Variants in SLC25A44 observed in about 807,000 individuals in gnomAD.
SLC25A44 encodes the protein solute carrier family 25, member 44.
SLC25A44 carries 17 observed loss-of-function variants against 29.9 expected under a neutral mutation model. That is an observed-to-expected ratio of 0.57 (90% CI 0.39 to 0.85). The LOEUF is 0.85. Among genes scored for constraint, SLC25A44 ranks in the 40% least tolerant of loss-of-function variants. The probability of loss-of-function intolerance (pLI) is 0.00; values close to 1 mark genes in which losing one functional copy is unlikely to be tolerated. For missense variants in SLC25A44, 302 were observed against 398.4 expected (o/e 0.76, Z 2.06); for synonymous variants, 140 against 151.8 (o/e 0.92, Z 0.57).
chr1:156,205,868 G>T (rs1016832168), intron 2 of SLC25A44, among the ~76,000 whole-genome samples: 1 of 152,112 alleles, frequency 6.6e-6, no homozygotes, highest in Non-Finnish European at 1.5e-5. Flanking sequence ...ACCAGCTCAT[G>T]GTAGTCACTC....
chr1:156,199,579 G>A, intron 1 of SLC25A44: 1 of 491,784 alleles, frequency 2.0e-6, no homozygotes, highest in Non-Finnish European at 3.6e-6. Context: ...AATCATTGAA[G>A]TGAGGGACAA....
chr1:156,205,762 ATTTG>A (rs1025399804), intron 2 of SLC25A44, among the ~76,000 whole-genome samples: 7 of 152,176 alleles, frequency 4.6e-5, no homozygotes, highest in Admixed American at 3.3e-4. Flanking sequence ...TTTGCTTTTT[ATTTG>A]TTTATTATCT....
intron 2 of SLC25A44, 37 bp downstream of exon 2, chr1:156,200,509 G>A: frequency 1.9e-6 from 3 of 1,541,792 alleles, no homozygotes; most frequent in Non-Finnish European, 1.8e-6. Flanking sequence ...AGGAAGGTGG[G>A]ATTTCTAATG....
intron 1 of SLC25A44, chr1:156,197,347 G>C (rs1298691950): frequency 6.6e-6 from 1 of 152,184 alleles, no homozygotes; most frequent in Non-Finnish European, 1.5e-5. Context: ...TTTGCCTCTA[G>C]CTCATTTTCC....
chr1:156,207,836 A>G, intron 2 of SLC25A44, 50 bp from the exon 3 acceptor site: 2 of 1,607,400 alleles, frequency 1.2e-6, no homozygotes, highest in Middle Eastern at 1.7e-4. Context: ...CAGTGAGGGC[A>G]GACCGGTGGT....
intron 2 of SLC25A44, among the ~76,000 whole-genome samples, chr1:156,201,474 C>T (rs1032174532): frequency 4.6e-5 from 7 of 152,176 alleles, no homozygotes; most frequent in African/African-American, 1.7e-4. Context: ...CATTCTGTCC[C>T]ACCCCATTGG....
chr1:156,211,000 A>G lies in SLC25A44; in HGVS notation c.*569A>G, dbSNP rs1052612039. The stretch of plus-strand genomic sequence containing the variant: ...CAAAAAATCTCTGGTTCTCCAGAGC[A>G]CTCGTCCTCTCTTTGGAGGGGTTAT... On this transcript the variant is annotated 3_prime_UTR_variant, in exon 4 of 4. Coordinates refer to ENST00000359511, the MANE Select transcript of SLC25A44 (RefSeq NM_014655.4). 2 of 146,714 alleles carry G rather than the reference A, an allele frequency of 1.4e-5. No individual in the cohort carries two copies. Among genetic ancestry groups the G allele is most frequent in the African/African-American group, 5.1e-5 (2 of 39,130 alleles). The allele number at this position is 146,714 out of a possible 1,614,324, so 9.1% of individuals were successfully genotyped here.
At position 156,200,177 on chromosome 1, in the gene SLC25A44, C is replaced by G. The variant is rs1189836693; in HGVS notation, c.330C>G (p.Val110=). 6.2e-7 allele frequency: 1 copy of G among 1,614,084 alleles called. No homozygotes were observed. Among genetic ancestry groups the G allele is most frequent in the Non-Finnish European group, 8.5e-7 (1 of 1,180,038 alleles). ...CTGACTACAGCCAGAGTAACACAGT[C>G]AAATCACTGGTGGCTGGTGGCTCAG... The part of the protein sequence containing the change: ...FVADYSQSNT[V]KSLVAGGSAS... The change falls in exon 2 of 4, where the codon GTC becomes GTG. Residue 110 remains valine (V), a synonymous_variant. Transcript: ENST00000359511.
chr1:156,200,553 G>A, intron 2 of SLC25A44, 81 bp downstream of exon 2: 1 of 1,328,092 alleles, frequency 7.5e-7, no homozygotes, highest in Non-Finnish European at 1.0e-6. Flanking sequence ...GCATGTTAGA[G>A]TGGAGGTGAG....
In SLC25A44 at chr1:156,198,820, G is replaced by A. The variant is rs1656370997; in HGVS notation, c.-13-1015G>A. ...ATCCTTGAACAGACGGTTTCTTGAA[G>A]TCAGAGTCTATCTCCTCTGTCACTT... On this transcript the variant is annotated intron_variant, in intron 1 of 3. Coordinates refer to ENST00000359511, the MANE Select transcript of SLC25A44 (RefSeq NM_014655.4). This position sits in a 1 kb window ranked among gnomAD's most constrained non-coding sequence, Gnocchi z 4.1. The A allele has an allele frequency of 1.3e-5, 2 of 152,252 alleles. No homozygotes were observed. The highest frequency in any genetic ancestry group is 4.8e-5 in the African/African-American group (2 of 41,452). 9.4% of individuals were successfully genotyped at this position (152,252 alleles called of 1,614,324 possible). A position where few individuals can be genotyped will look rare whatever the true frequency, so the allele number is the denominator to read the frequency against.
rs951922131 is a variant in SLC25A44 at position 156,211,344 on chromosome 1, C to G, written c.*913C>G. The G allele has an allele frequency of 2.6e-5, 4 of 152,884 alleles. No individual in the cohort carries two copies. Among genetic ancestry groups the G allele is most frequent in the African/African-American group, 9.6e-5 (4 of 41,540 alleles). The allele number at this position is 152,884 out of a possible 1,614,324, so 9.5% of individuals were successfully genotyped here. ...TGTCTTGGGTGCACTGGACTTGGAG[C>G]ACTACCTTGAGAAGTCAGGTTGAGA... On this transcript the variant is annotated 3_prime_UTR_variant, in exon 4 of 4. Transcript: ENST00000359511.
intron 3 of SLC25A44, among the ~76,000 whole-genome samples, chr1:156,209,379 G>C (rs1210943127): frequency 6.6e-6 from 1 of 152,180 alleles, no homozygotes; most frequent in Non-Finnish European, 1.5e-5. Context: ...GAGAGTATTG[G>C]AGAGGAAGAA....
chr1:156,206,714 G>A (rs1234291407), intron 2 of SLC25A44, among the ~76,000 whole-genome samples: 1 of 151,624 alleles, frequency 6.6e-6, no homozygotes, highest in Non-Finnish European at 1.5e-5. Flanking sequence ...TATATTTTTG[G>A]TAGAGGAGGG....
chr1:156,207,760 A>G, intron 2 of SLC25A44, 126 bp from the exon 3 acceptor site: 1 of 917,068 alleles, frequency 1.1e-6, no homozygotes. Context: ...AAAAGATAGG[A>G]CTTAGGTGGT....
chr1:156,200,354 C>A lies in SLC25A44; in HGVS notation c.507C>A (p.Ile169=). ...TTGCCTTTGGCCAAACCAAGGACAT[C>A]ATCAGGCAGATCCTGCAGGCTGATG... is the stretch of plus-strand genomic sequence containing the variant. ...GVVAFGQTKD[I]IRQILQADGL... is the part of the protein sequence containing the mutation. The change falls in exon 2 of 4, where the codon ATC becomes ATA. Residue 169 remains isoleucine (I), a synonymous_variant. Coordinates refer to ENST00000359511, the MANE Select transcript of SLC25A44 (RefSeq NM_014655.4). 3 of 1,614,158 alleles carry A rather than the reference C, an allele frequency of 1.9e-6. No homozygotes were observed. Among genetic ancestry groups the A allele is most frequent in the Non-Finnish European group, 2.5e-6 (3 of 1,180,044 alleles).
intron 1 of SLC25A44, among the ~76,000 whole-genome samples, chr1:156,195,104 ATT>A (rs1191256706): frequency 1.1e-4 from 15 of 136,742 alleles, no homozygotes; most frequent in Admixed American, 1.5e-4. Context: ...CTACAGCTCT[ATT>A]TTTTTTTTTT....
chr1:156,208,057 T>G, intron 3 of SLC25A44, 44 bp downstream of exon 3: 1 of 1,591,258 alleles, frequency 6.3e-7, no homozygotes, highest in Non-Finnish European at 8.6e-7. Context: ...GAGAAGCCAT[T>G]AGAAGCATGA....
In SLC25A44 at chr1:156,199,980, T is replaced by C. The variant is rs769636282; in HGVS notation, c.133T>C (p.Leu45=). The C allele has an allele frequency of 5.6e-6, 9 of 1,614,142 alleles. No individual in the cohort carries two copies. Among genetic ancestry groups the C allele is most frequent in the Admixed American group, 3.3e-5 (2 of 60,018 alleles). ...VYPFTLIRTR[L]QVQKGKSLYH... is the part of the protein sequence containing the mutation. ...CCCATTCACCCTCATCCGCACCCGG[T>C]TGCAAGTTCAGAAGGGGAAGAGCCT... is the stretch of plus-strand genomic sequence containing the variant. The change falls in exon 2 of 4, where the codon TTG becomes CTG. Residue 45 remains leucine (L), a synonymous_variant. Transcript: ENST00000359511.
chr1:156,199,819 A>G lies in SLC25A44; in HGVS notation c.-13-16A>G, dbSNP rs2072499. On this transcript the variant is annotated splice_polypyrimidine_tract_variant and intron_variant, in intron 1 of 3. Transcript: ENST00000359511. ...ACCCTCCTTCTTCACATCCCTCCAT[A>G]CTGCTCAAATCCCAGGTCTTCAGGC... 567,670 of 1,595,982 alleles carry G rather than the reference A, an allele frequency of 0.36. 105,876 individuals are homozygous for G. The highest frequency in any genetic ancestry group is 0.64 in the African/African-American group (47,777 of 74,660).
Sources: gnomAD v4.1 joint callset for allele counts (sites outside exome capture counted in the v4.1 genomes callset) on GRCh38, gnomAD v4.1.1 for gene constraint, Gnocchi (gnomAD v3.1) non-coding constraint, MANE v1.5 for transcripts, NCBI Gene and HGNC (gene_info 2026-07-23, HGNC 2026-07-21) for gene names.